The following BMERB1 variants were observed in gnomAD, a reference collection of about 807,000 sequenced individuals.
BMERB1 encodes bMERB domain-containing protein 1.
BMERB1 carries 12 observed loss-of-function variants against 23.6 expected under a neutral mutation model. That is an observed-to-expected ratio of 0.51 (90% CI 0.33 to 0.82). The LOEUF is 0.82. Among genes scored for constraint, BMERB1 ranks in the 40% least tolerant of loss-of-function variants. BMERB1 has a pLI of 0.03. For synonymous variants in BMERB1, 122 were observed against 96.6 expected (o/e 1.26, Z -1.54); for missense variants, 247 against 255.4 (o/e 0.97, Z 0.22).
intron 1 of BMERB1, among the ~76,000 whole-genome samples, chr16:15,466,720 C>CTG (rs35112172): frequency 0.015 from 2,259 of 150,760 alleles, 60 homozygotes; most frequent in African/African-American, 0.052. Context: ...ATGTGTGTGT[C>CTG]TGTGTGTGTG....
chr16:15,543,095 G>C (rs2052101791), intron 2 of BMERB1, among the ~76,000 whole-genome samples: 1 of 152,106 alleles, frequency 6.6e-6, no homozygotes, highest in Non-Finnish European at 1.5e-5. Context: ...TTTTTATTAA[G>C]TAGTGGAAGT....
chr16:15,537,203 CAG>C (rs1335873819), intron 2 of BMERB1, among the ~76,000 whole-genome samples: 1 of 152,192 alleles, frequency 6.6e-6, no homozygotes, highest in Non-Finnish European at 1.5e-5. Context: ...TCCAACCAAA[CAG>C]AATTTGTCAT....
At chr16:15,573,743 C>G (rs557925126) in intron 3 of BMERB1, among the ~76,000 whole-genome samples, 11 of 152,260 alleles carry the variant, frequency 7.2e-5, no homozygotes, top group African/African-American at 2.6e-4. Context: ...TTTGTTAAGT[C>G]CATTTTCACA....
At chr16:15,528,618 C>T (rs73499136) in intron 2 of BMERB1, among the ~76,000 whole-genome samples, 11,912 of 151,638 alleles carry the variant, frequency 0.079, 1,512 homozygotes, top group African/African-American at 0.27. Flanking sequence ...CACCTCCCCA[C>T]CCCCCGATAC....
intron 1 of BMERB1, chr16:15,502,291 C>T (rs527823612): frequency 2.6e-6 from 4 of 1,551,270 alleles, no homozygotes; most frequent in South Asian, 1.2e-5. Flanking sequence ...GGATGTGAAG[C>T]CTGTCAGTTT....
At chr16:15,444,123 G>GTGTTTTTTTT (rs2050966394) in intron 1 of BMERB1, among the ~76,000 whole-genome samples, 1 of 35,610 alleles carries the variant, frequency 2.8e-5, no homozygotes, top group African/African-American at 1.3e-4. Context: ...CACCAGCTTT[G>GTGTTTTTTTT]TTTTTTTTTT....
At chr16:15,467,370 T>C (rs764807318) in intron 1 of BMERB1, among the ~76,000 whole-genome samples, 9 of 152,232 alleles carry the variant, frequency 5.9e-5, no homozygotes, top group Non-Finnish European at 1.2e-4. Flanking sequence ...TCATTATTTT[T>C]TATTTTAGCT....
intron 3 of BMERB1, among the ~76,000 whole-genome samples, chr16:15,580,344 T>C (rs1034279679): frequency 8.6e-5 from 13 of 152,046 alleles, no homozygotes; most frequent in African/African-American, 3.1e-4. Context: ...CCTCAAGTGA[T>C]CCTCCTGCCT....
intron 2 of BMERB1, among the ~76,000 whole-genome samples, chr16:15,549,287 C>G (rs543472365): frequency 3.3e-4 from 46 of 139,184 alleles, no homozygotes; most frequent in Admixed American, 1.4e-3. Flanking sequence ...TGCAGTAAGC[C>G]CAGATCAAGA....
chr16:15,481,750 C>T (rs1203726995), intron 1 of BMERB1, among the ~76,000 whole-genome samples: 3 of 147,788 alleles, frequency 2.0e-5, no homozygotes, highest in African/African-American at 7.5e-5. Context: ...GAGATGGAGT[C>T]TCTCTCTGTC....
chr16:15,502,870 T>G (rs1404140247), intron 1 of BMERB1, among the ~76,000 whole-genome samples: 1 of 152,106 alleles, frequency 6.6e-6, no homozygotes, highest in African/African-American at 2.4e-5. Flanking sequence ...CCCATGACCA[T>G]GAGTCTGTGT....
rs1377588655 is a variant in BMERB1 at position 15,586,864 on chromosome 16, C to G, written c.*35C>G. The G allele has an allele frequency of 7.4e-7, 1 of 1,358,390 alleles. No individual in the cohort carries two copies. Among genetic ancestry groups the G allele is most frequent in the Non-Finnish European group, 1.0e-6 (1 of 987,134 alleles). 84.1% of individuals were successfully genotyped at this position (1,358,390 alleles called of 1,614,324 possible). On this transcript the variant is annotated 3_prime_UTR_variant, in exon 6 of 6. Coordinates refer to ENST00000300006, the MANE Select transcript of BMERB1 (RefSeq NM_033201.3). ...GGGGTGCCCTGGGCCATGGGGACCCCCCCCCACCCTCTTGTCTTTATAGCC... is the reference window on the plus strand; with the variant it reads ...GGGGTGCCCTGGGCCATGGGGACCCGCCCCCACCCTCTTGTCTTTATAGCC...
intron 5 of BMERB1, among the ~76,000 whole-genome samples, chr16:15,586,276 T>C (rs929560655): frequency 2.0e-5 from 3 of 152,114 alleles, no homozygotes; most frequent in Admixed American, 6.6e-5. Context: ...TTCTAGGAGA[T>C]AAAACAGAGA....
chr16:15,448,811 A>G (rs1182780133), intron 1 of BMERB1, among the ~76,000 whole-genome samples: 2 of 152,144 alleles, frequency 1.3e-5, no homozygotes, highest in Non-Finnish European at 2.9e-5. Flanking sequence ...TGAAAAAACA[A>G]AGAGTTGTTC....
intron 1 of BMERB1, among the ~76,000 whole-genome samples, chr16:15,444,166 C>A (rs1206438030): frequency 3.7e-5 from 2 of 54,200 alleles, no homozygotes; most frequent in African/African-American, 1.5e-4. Flanking sequence ...TTTCTTTCCC[C>A]TTGGCTTAAT....
chr16:15,499,337 G>A (rs2015120951), intron 1 of BMERB1, among the ~76,000 whole-genome samples: 1 of 151,922 alleles, frequency 6.6e-6, no homozygotes, highest in African/African-American at 2.4e-5. Context: ...GGTGGAGGTT[G>A]CAGTGAGCCG....
At chr16:15,555,869 G>T (rs1264000526) in intron 2 of BMERB1, among the ~76,000 whole-genome samples, 1 of 151,862 alleles carries the variant, frequency 6.6e-6, no homozygotes, top group Non-Finnish European at 1.5e-5. Flanking sequence ...GGAACCATTT[G>T]ATTTGAGGAA....
intron 2 of BMERB1, among the ~76,000 whole-genome samples, chr16:15,567,612 A>G (rs2150971974): frequency 6.6e-6 from 1 of 152,300 alleles, no homozygotes; most frequent in East Asian, 1.9e-4. Flanking sequence ...ATACAAAAAA[A>G]GTTAGCTGGG....
intron 2 of BMERB1, among the ~76,000 whole-genome samples, chr16:15,549,933 G>T (rs1598513248): frequency 6.6e-6 from 1 of 150,890 alleles, no homozygotes; most frequent in African/African-American, 2.4e-5. Context: ...TATCCTACCT[G>T]ATATTTCCCA....
Sources: gnomAD v4.1 joint callset for allele counts (sites outside exome capture counted in the v4.1 genomes callset) on GRCh38, gnomAD v4.1.1 for gene constraint, MANE v1.5 for transcripts, NCBI Gene and HGNC (gene_info 2026-07-23, HGNC 2026-07-21) for gene names.